SGCZ: variants seen among roughly 807,000 people sequenced by gnomAD.
The protein encoded by SGCZ is zeta-sarcoglycan.
In SGCZ, 40 loss-of-function variants were observed where a neutral mutation model predicts 41.3. That is an observed-to-expected ratio of 0.97 (90% CI 0.75 to 1.26). The LOEUF (loss-of-function observed/expected upper bound fraction) is 1.26, where lower values mean the gene tolerates loss of function less well. Ranked by LOEUF, SGCZ falls within the 50% of genes most tolerant of loss-of-function variation. The probability of loss-of-function intolerance (pLI) is 0.00; values close to 1 mark genes in which losing one functional copy is unlikely to be tolerated. For synonymous variants in SGCZ, 206 were observed against 137.5 expected (o/e 1.50, Z -3.49); for missense variants, 552 against 369.8 (o/e 1.49, Z -4.04).
intron 3 of SGCZ, among the ~76,000 whole-genome samples, chr8:14,306,649 G>C (rs1801361043): frequency 6.6e-6 from 1 of 152,050 alleles, no homozygotes; most frequent in Admixed American, 6.6e-5. Context: ...ACATGAGGAA[G>C]GCAACAATGA....
At chr8:15,102,996 T>G (rs777947439) in intron 1 of SGCZ, among the ~76,000 whole-genome samples, 15 of 152,306 alleles carry the variant, frequency 9.8e-5, no homozygotes, top group Non-Finnish European at 1.9e-4. Flanking sequence ...ATGTAATTAT[T>G]ACATAACAAT....
intron 1 of SGCZ, among the ~76,000 whole-genome samples, chr8:14,901,376 G>A (rs894262187): frequency 3.3e-5 from 5 of 152,202 alleles, no homozygotes; most frequent in African/African-American, 1.2e-4. Flanking sequence ...CACACACAAG[G>A]TCATTGGTCA....
chr8:14,200,800 A>T (rs1040431950), intron 4 of SGCZ, among the ~76,000 whole-genome samples: 3 of 152,188 alleles, frequency 2.0e-5, no homozygotes, highest in Non-Finnish European at 2.9e-5. Context: ...AATGAATTAA[A>T]GTTCCTCAAA....
intron 1 of SGCZ, among the ~76,000 whole-genome samples, chr8:15,097,108 G>T (rs1806377249): frequency 6.6e-6 from 1 of 152,096 alleles, no homozygotes; most frequent in Non-Finnish European, 1.5e-5. Flanking sequence ...GCATCGCTGG[G>T]ATCCATAAAC....
At chr8:14,591,824 T>C (rs1805250933) in intron 1 of SGCZ, among the ~76,000 whole-genome samples, 1 of 152,160 alleles carries the variant, frequency 6.6e-6, no homozygotes, top group Non-Finnish European at 1.5e-5. Flanking sequence ...GCATGTCTCT[T>C]CTGATAGTGC....
At chr8:14,122,050 G>A (rs1230186462) in intron 5 of SGCZ, among the ~76,000 whole-genome samples, 1 of 152,078 alleles carries the variant, frequency 6.6e-6, no homozygotes, top group Non-Finnish European at 1.5e-5. Flanking sequence ...AGGCCGAGGC[G>A]GGCAGATCCC....
chr8:14,609,310 C>A (rs1805853046), intron 1 of SGCZ, among the ~76,000 whole-genome samples: 1 of 151,954 alleles, frequency 6.6e-6, no homozygotes, highest in Admixed American at 6.6e-5. Context: ...GCTGGTATTA[C>A]AATGAAATAA....
chr8:14,442,465 G>C (rs35891990), intron 2 of SGCZ, among the ~76,000 whole-genome samples: 34,516 of 151,970 alleles, frequency 0.23, 4,473 homozygotes, highest in Non-Finnish European at 0.3. Context: ...CCAGTATCAG[G>C]TATGTCTTTA....
chr8:14,223,836 T>G (rs13266987), intron 4 of SGCZ, among the ~76,000 whole-genome samples: 36,227 of 152,158 alleles, frequency 0.24, 5,536 homozygotes, highest in Non-Finnish European at 0.34. Context: ...TACCTTCTGC[T>G]TTTTCTCCCA....
At chr8:14,407,071 T>C (rs936200955) in intron 2 of SGCZ, among the ~76,000 whole-genome samples, 9 of 108,608 alleles carry the variant, frequency 8.3e-5, no homozygotes, top group African/African-American at 1.4e-4. Flanking sequence ...TTTCCTTTTT[T>C]TTTTTTTTTT....
intron 1 of SGCZ, among the ~76,000 whole-genome samples, chr8:14,658,625 C>A (rs749627970): frequency 6.6e-6 from 1 of 152,134 alleles, no homozygotes; most frequent in South Asian, 2.1e-4. Context: ...GCTCTCTGTC[C>A]TATTTAATTT....
intron 1 of SGCZ, among the ~76,000 whole-genome samples, chr8:15,119,551 A>T (rs1210014239): frequency 7.1e-6 from 1 of 141,366 alleles, no homozygotes. Flanking sequence ...GAAAAAAAAA[A>T]ACCCTCCTAA....
chr8:14,246,390 G>A (rs1482416980), intron 3 of SGCZ, among the ~76,000 whole-genome samples: 1 of 150,614 alleles, frequency 6.6e-6, no homozygotes, highest in Non-Finnish European at 1.5e-5. Context: ...GGTGGGAATT[G>A]AATAATCAGA....
intron 1 of SGCZ, among the ~76,000 whole-genome samples, chr8:14,764,820 T>C (rs1358817001): frequency 2.0e-5 from 3 of 152,204 alleles, no homozygotes; most frequent in Non-Finnish European, 4.4e-5. Flanking sequence ...ATAATGAACA[T>C]GCTTCTGATA....
chr8:14,556,787 T>C (rs1334506351), intron 1 of SGCZ, among the ~76,000 whole-genome samples: 1 of 152,098 alleles, frequency 6.6e-6, no homozygotes, highest in African/African-American at 2.4e-5. Flanking sequence ...TTCCTTTTTA[T>C]GGCTGAGTAG....
At chr8:14,904,625 C>G (rs915009855) in intron 1 of SGCZ, among the ~76,000 whole-genome samples, 10 of 151,964 alleles carry the variant, frequency 6.6e-5, no homozygotes, top group African/African-American at 2.2e-4. Flanking sequence ...ATTTCACCAA[C>G]TGCACAATTT....
intron 2 of SGCZ, among the ~76,000 whole-genome samples, chr8:14,366,928 C>T (rs929974384): frequency 1.3e-5 from 2 of 152,138 alleles, no homozygotes; most frequent in Non-Finnish European, 2.9e-5. Flanking sequence ...TTTTCCCCAA[C>T]GTCTTGGAAG....
intron 1 of SGCZ, among the ~76,000 whole-genome samples, chr8:14,564,695 A>C (rs765288623): frequency 1.4e-4 from 21 of 152,190 alleles, no homozygotes; most frequent in Admixed American, 1.1e-3. Context: ...GTTGAAATAG[A>C]ATTTTTAAAA....
intron 2 of SGCZ, among the ~76,000 whole-genome samples, chr8:14,539,782 T>C (rs916002945): frequency 1.3e-5 from 2 of 152,006 alleles, no homozygotes; most frequent in African/African-American, 2.4e-5. Flanking sequence ...TATTTATAAG[T>C]GAGAACATGA....
Sources: gnomAD v4.1 joint callset for allele counts (sites outside exome capture counted in the v4.1 genomes callset) on GRCh38, gnomAD v4.1.1 for gene constraint, MANE v1.5 for transcripts, NCBI Gene and HGNC (gene_info 2026-07-23, HGNC 2026-07-21) for gene names.